DPT: variants seen among roughly 807,000 people sequenced by gnomAD.
DPT encodes the protein tyrosine-rich acidic matrix protein.
In DPT, 21 loss-of-function variants were observed where a neutral mutation model predicts 31.2. The observed-to-expected ratio is 0.67, with a 90% CI of 0.48 to 0.97. The LOEUF is 0.97. Ranked by LOEUF, DPT falls within the 50% of genes least tolerant of loss-of-function variation. The pLI is 0.00. For missense variants in DPT, 262 were observed against 258.8 expected, an observed-to-expected ratio of 1.01 and a Z score of -0.08; for synonymous variants, 91 against 86.9, an observed-to-expected ratio of 1.05 and a Z score of -0.26.
At chr1:168,721,436 C>T (rs1650111849) in intron 1 of DPT, among the ~76,000 whole-genome samples, 1 of 152,126 alleles carries the variant, frequency 6.6e-6, no homozygotes, top group African/African-American at 2.4e-5. Context: ...GTTATTACTA[C>T]CATGATGATA....
At chr1:168,718,406 GAT>G (rs1650033309) in intron 1 of DPT, among the ~76,000 whole-genome samples, 1 of 152,226 alleles carries the variant, frequency 6.6e-6, no homozygotes, top group Non-Finnish European at 1.5e-5. Context: ...GCCCTGTGAA[GAT>G]TATTTGGACC....
chr1:168,725,825 C>T (rs538672068), intron 1 of DPT, among the ~76,000 whole-genome samples: 2 of 152,292 alleles, frequency 1.3e-5, no homozygotes, highest in East Asian at 3.9e-4. Context: ...ATTCGAGACT[C>T]CTCCCCTCTT....
chr1:168,708,265 A>G (rs1322327169), intron 2 of DPT, among the ~76,000 whole-genome samples: 1 of 152,182 alleles, frequency 6.6e-6, no homozygotes, highest in Non-Finnish European at 1.5e-5. Context: ...AACCCCAGAT[A>G]TGGAGTGCCA....
At position 168,709,291 on chromosome 1, in the gene DPT, C is replaced by A. The variant is rs139906237; in HGVS notation, c.431+4930G>T. On this transcript the variant is annotated intron_variant, in intron 2 of 3. Coordinates refer to ENST00000367817, the MANE Select transcript of DPT (RefSeq NM_001937.5). ...TTTGGAGAAGAGAGATTATGACAAA[C>A]AATGTCTAAAGGGTTGTGGCAACTT... Among the ~76,000 whole-genome samples the A allele has an allele frequency of 9.8e-5, 15 of 152,298 alleles. No individual in the cohort carries two copies. The East Asian group carries it at 2.7e-3, about 27-fold the overall frequency.
At chr1:168,722,221 CAAG>C (rs953974014) in intron 1 of DPT, among the ~76,000 whole-genome samples, 7 of 152,084 alleles carry the variant, frequency 4.6e-5, no homozygotes, top group Non-Finnish European at 7.4e-5. Context: ...TATTTTTAAA[CAAG>C]AGATCTAATG....
chr1:168,711,560 G>A (rs1026985212), intron 2 of DPT, among the ~76,000 whole-genome samples: 2 of 152,216 alleles, frequency 1.3e-5, no homozygotes, highest in African/African-American at 2.4e-5. Context: ...GAATGAGTTA[G>A]TACATCTAAC....
chr1:168,700,271 C>T (rs1417154178), intron 3 of DPT, among the ~76,000 whole-genome samples: 1 of 152,102 alleles, frequency 6.6e-6, no homozygotes, highest in Non-Finnish European at 1.5e-5. Flanking sequence ...CGTGAGGACA[C>T]AGTAATAAAG....
intron 1 of DPT, among the ~76,000 whole-genome samples, chr1:168,727,018 G>C (rs1650260684): frequency 6.6e-6 from 1 of 152,190 alleles, no homozygotes; most frequent in South Asian, 2.1e-4. Context: ...CACAGTCCTG[G>C]TAACCAAGTA....
chr1:168,714,468 T>G, intron 1 of DPT, 122 bp from the exon 2 acceptor site: 1 of 1,238,410 alleles, frequency 8.1e-7, no homozygotes, highest in Non-Finnish European at 1.1e-6. Flanking sequence ...ATTTATTCCA[T>G]TTTATGCAAA....
chr1:168,698,657 G>A (rs949569155), intron 3 of DPT, among the ~76,000 whole-genome samples: 1 of 152,068 alleles, frequency 6.6e-6, no homozygotes, highest in Middle Eastern at 3.2e-3. Context: ...GGTTAGGGTG[G>A]GGTGCTAATG....
chr1:168,698,571 C>T (rs1649515094), intron 3 of DPT, among the ~76,000 whole-genome samples: 1 of 152,078 alleles, frequency 6.6e-6, no homozygotes, highest in African/African-American at 2.4e-5. Flanking sequence ...CAGGTTCAGT[C>T]TCTGATTTCA....
At chr1:168,727,300 C>G (rs557779869) in intron 1 of DPT, among the ~76,000 whole-genome samples, 5 of 152,298 alleles carry the variant, frequency 3.3e-5, no homozygotes, top group Admixed American at 3.3e-4. Flanking sequence ...AGTTTGTCTA[C>G]CTATAAATGG....
intron 1 of DPT, among the ~76,000 whole-genome samples, chr1:168,718,344 G>A (rs1250769134): frequency 6.6e-6 from 1 of 152,254 alleles, no homozygotes. Context: ...TGGCCCCAGT[G>A]CCTGTACGGG....
At chr1:168,708,152 G>A (rs1649764560) in intron 2 of DPT, among the ~76,000 whole-genome samples, 1 of 151,952 alleles carries the variant, frequency 6.6e-6, no homozygotes, top group Non-Finnish European at 1.5e-5. Context: ...ATACTATATG[G>A]TTTTGTATTT....
chr1:168,695,898 A>G lies in DPT; in HGVS notation c.*651T>C. 1 of 318,120 alleles carries G rather than the reference A, an allele frequency of 3.1e-6. No homozygotes were observed. The highest frequency in any genetic ancestry group is 5.7e-6 in the Non-Finnish European group (1 of 174,436). The allele number at this position is 318,120 out of a possible 1,614,324, so 19.7% of individuals were successfully genotyped here. A position where few individuals can be genotyped will look rare whatever the true frequency, so the allele number is the denominator to read the frequency against. On this transcript the variant is annotated 3_prime_UTR_variant, in exon 4 of 4. Coordinates refer to ENST00000367817, the MANE Select transcript of DPT (RefSeq NM_001937.5). ...CCTGCACTCATTTTCCTTACTGGGT[A>G]TGCTAACGTTTGTCTTCTAATTCAG...
At chr1:168,723,050 T>C (rs1490176750) in intron 1 of DPT, among the ~76,000 whole-genome samples, 1 of 152,232 alleles carries the variant, frequency 6.6e-6, no homozygotes, top group Non-Finnish European at 1.5e-5. Flanking sequence ...AATTGATTCC[T>C]AGCACTTAGG....
chr1:168,699,229 T>C (rs1171998261), intron 3 of DPT, among the ~76,000 whole-genome samples: 1 of 152,180 alleles, frequency 6.6e-6, no homozygotes, highest in Non-Finnish European at 1.5e-5. Flanking sequence ...TTTGGAGCAT[T>C]GAGCACCCCT....
chr1:168,708,919 G>A (rs549946382), intron 2 of DPT, among the ~76,000 whole-genome samples: 1 of 152,318 alleles, frequency 6.6e-6, no homozygotes, highest in East Asian at 1.9e-4. Context: ...TTTGGGGTGG[G>A]AGAGATAAGA....
intron 1 of DPT, among the ~76,000 whole-genome samples, chr1:168,714,914 A>T (rs1649945152): frequency 6.6e-6 from 1 of 152,248 alleles, no homozygotes; most frequent in African/African-American, 2.4e-5. Flanking sequence ...GAAAGCTGGG[A>T]CCACAACCCA....
Sources: gnomAD v4.1 joint callset for allele counts (sites outside exome capture counted in the v4.1 genomes callset) on GRCh38, gnomAD v4.1.1 for gene constraint, MANE v1.5 for transcripts, NCBI Gene and HGNC (gene_info 2026-07-23, HGNC 2026-07-21) for gene names.